SLC25A26: variants seen among roughly 807,000 people sequenced by gnomAD.
SLC25A26 encodes the protein solute carrier family 25 member 26, also known as mitochondrial S-adenosylmethionine carrier protein.
In SLC25A26, 36 loss-of-function variants were observed where a neutral mutation model predicts 37.8. That is an observed-to-expected ratio of 0.95 (90% confidence interval 0.73 to 1.26). The LOEUF (loss-of-function observed/expected upper bound fraction) is 1.26, where lower values mean the gene tolerates loss of function less well. Ranked by LOEUF, SLC25A26 falls within the 50% of genes most tolerant of loss-of-function variation. The pLI is 0.00. For missense variants in SLC25A26, 390 were observed against 331.1 expected (o/e 1.18, Z -1.38); for synonymous variants, 129 against 122.5 (o/e 1.05, Z -0.35).
intron 6 of SLC25A26, among the ~76,000 whole-genome samples, chr3:66,361,197 A>G (rs997311499): frequency 6.6e-6 from 1 of 152,230 alleles, no homozygotes; most frequent in African/African-American, 2.4e-5. Context: ...TGTGAAAACA[A>G]AACCAAATAA....
At chr3:66,376,053 A>G (rs1700631422) in intron 9 of SLC25A26, among the ~76,000 whole-genome samples, 1 of 148,694 alleles carries the variant, frequency 6.7e-6, no homozygotes, top group East Asian at 2.0e-4. Flanking sequence ...GGAAACACAT[A>G]CTAGATGTAC....
intron 5 of SLC25A26, among the ~76,000 whole-genome samples, chr3:66,332,116 T>C (rs1200261097): frequency 6.6e-6 from 1 of 151,928 alleles, no homozygotes; most frequent in Non-Finnish European, 1.5e-5. Context: ...TTTTGTATTT[T>C]TGGTAGAGAT....
intron 1 of SLC25A26, chr3:66,134,124 G>A (rs1209156060): frequency 6.6e-6 from 1 of 152,112 alleles, no homozygotes; most frequent in Non-Finnish European, 1.5e-5. Context: ...TCCCTCCAGT[G>A]GAAAAACAAA....
chr3:66,148,000 G>T (rs145233637), intron 1 of SLC25A26, among the ~76,000 whole-genome samples: 1 of 151,706 alleles, frequency 6.6e-6, no homozygotes, highest in African/African-American at 2.4e-5. Context: ...CTCGTGATCC[G>T]CCCACCTCAG....
intron 5 of SLC25A26, among the ~76,000 whole-genome samples, chr3:66,286,271 C>G (rs894848634): frequency 6.6e-6 from 1 of 152,092 alleles, no homozygotes; most frequent in African/African-American, 2.4e-5. Flanking sequence ...CTCTGCCTAA[C>G]TCTAAGTCAT....
At chr3:66,287,051 C>T (rs528958138) in intron 5 of SLC25A26, among the ~76,000 whole-genome samples, 19 of 152,224 alleles carry the variant, frequency 1.2e-4, no homozygotes, top group African/African-American at 4.6e-4. Context: ...AATCCCAGTG[C>T]TTTGAGAGGC....
At chr3:66,150,628 ATATATATATATAT>A (rs1379245119) in intron 1 of SLC25A26, among the ~76,000 whole-genome samples, 1 of 77,690 alleles carries the variant, frequency 1.3e-5, no homozygotes, top group Non-Finnish European at 2.5e-5. Flanking sequence ...ATATATATAT[ATATATATATATAT>A]ATATATATAT....
At chr3:66,246,905 A>G (rs945180611) in intron 3 of SLC25A26, among the ~76,000 whole-genome samples, 2 of 152,158 alleles carry the variant, frequency 1.3e-5, no homozygotes, top group African/African-American at 4.8e-5. Context: ...TCTTTCGCCC[A>G]TGCTGGAGTG....
At chr3:66,294,019 T>C (rs1409583617) in intron 5 of SLC25A26, among the ~76,000 whole-genome samples, 1 of 152,062 alleles carries the variant, frequency 6.6e-6, no homozygotes, top group African/African-American at 2.4e-5. Flanking sequence ...TTTTGTTCCA[T>C]ATGAATTTTA....
chr3:66,241,637 G>A (rs192505429), intron 2 of SLC25A26, among the ~76,000 whole-genome samples: 4 of 152,112 alleles, frequency 2.6e-5, no homozygotes, highest in African/African-American at 4.8e-5. Context: ...AGAGTACCAG[G>A]GTTCAAAAAT....
At chr3:66,186,649 T>A (rs1463889188) in intron 1 of SLC25A26, among the ~76,000 whole-genome samples, 1 of 151,952 alleles carries the variant, frequency 6.6e-6, no homozygotes, top group Non-Finnish European at 1.5e-5. Context: ...CCTCACCATA[T>A]CCCCAAACCT....
chr3:66,357,365 G>A (rs149524884), intron 6 of SLC25A26, among the ~76,000 whole-genome samples: 457 of 152,304 alleles, frequency 3.0e-3, no homozygotes, highest in African/African-American at 0.011. Flanking sequence ...AGTGGGCTGT[G>A]ATCACTTCAC....
At chr3:66,216,622 T>G (rs1408459734), upstream of SLC25A26, among the ~76,000 whole-genome samples, 2 of 145,112 alleles carry the variant, frequency 1.4e-5, no homozygotes, top group Non-Finnish European at 1.5e-5. Flanking sequence ...TTTGTTTTTG[T>G]TTTTTTTTTT....
chr3:66,304,659 A>G, intron 5 of SLC25A26: 1 of 281,770 alleles, frequency 3.5e-6, no homozygotes, highest in South Asian at 3.5e-5. Flanking sequence ...GTTCACTAAT[A>G]CATTCTTTAA....
chr3:66,322,367 T>G (rs1039399889), intron 5 of SLC25A26, among the ~76,000 whole-genome samples: 39 of 152,350 alleles, frequency 2.6e-4, no homozygotes, highest in African/African-American at 8.4e-4. Context: ...GCAATGAGAT[T>G]CATATTTTCT....
intron 1 of SLC25A26, among the ~76,000 whole-genome samples, chr3:66,181,485 G>T (rs2070705425): frequency 6.6e-6 from 1 of 152,192 alleles, no homozygotes; most frequent in South Asian, 2.1e-4. Flanking sequence ...TGCTAGCTAC[G>T]ACACTGAGCA....
At chr3:66,197,479 T>A (rs1177679942) in intron 1 of SLC25A26, among the ~76,000 whole-genome samples, 2 of 152,072 alleles carry the variant, frequency 1.3e-5, no homozygotes, top group African/African-American at 4.8e-5. Flanking sequence ...CAGGTGAGGG[T>A]CAGTATCAAC....
chr3:66,247,273 A>G (rs558504402), intron 3 of SLC25A26, among the ~76,000 whole-genome samples: 1 of 152,030 alleles, frequency 6.6e-6, no homozygotes, highest in South Asian at 2.1e-4. Flanking sequence ...ATAAATATAT[A>G]TATATATGCA....
chr3:66,297,245 T>C (rs1234626780), intron 5 of SLC25A26, among the ~76,000 whole-genome samples: 3 of 151,638 alleles, frequency 2.0e-5, no homozygotes, highest in African/African-American at 7.3e-5. Context: ...GGAGAATTGC[T>C]TGAATCCGGG....
Sources: gnomAD v4.1 joint callset for allele counts (sites outside exome capture counted in the v4.1 genomes callset) on GRCh38, gnomAD v4.1.1 for gene constraint, MANE v1.5 for transcripts, NCBI Gene and HGNC (gene_info 2026-07-23, HGNC 2026-07-21) for gene names.